The following NCKAP5 variants were observed in gnomAD, a reference collection of about 807,000 sequenced individuals.
NCKAP5 encodes NCK associated protein 5, also known as nck-associated protein 5.
NCKAP5 carries 92 observed loss-of-function variants against 167.0 expected under a neutral mutation model. That is an observed-to-expected ratio of 0.55 (90% CI 0.47 to 0.66). The LOEUF (loss-of-function observed/expected upper bound fraction) is 0.66, where lower values mean the gene tolerates loss of function less well. Ranked by LOEUF, NCKAP5 falls within the 30% of genes least tolerant of loss-of-function variation. The pLI, the probability that NCKAP5 is intolerant of heterozygous loss-of-function variation, is 0.00. For missense variants in NCKAP5, 2,378 were observed against 2,315.0 expected (o/e 1.03, Z -0.56); for synonymous variants, 891 against 877.4 (o/e 1.02, Z -0.27).
At chr2:133,578,061 C>G in the NCKAP5 span, among the ~76,000 whole-genome samples, 1 of 152,138 alleles carries the variant, frequency 6.6e-6, no homozygotes, top group Non-Finnish European at 1.5e-5. Flanking sequence ...CTCAAAATCT[C>G]AAAAATAAGA....
intron 8 of NCKAP5, among the ~76,000 whole-genome samples, chr2:132,903,723 A>G (rs1693799199): frequency 6.6e-6 from 1 of 152,232 alleles, no homozygotes; most frequent in Non-Finnish European, 1.5e-5. Context: ...GAGAGTAAGA[A>G]ACAGATTAGG....
chr2:132,770,555 T>G (rs1681950690), intron 16 of NCKAP5, among the ~76,000 whole-genome samples: 1 of 151,586 alleles, frequency 6.6e-6, no homozygotes, highest in Non-Finnish European at 1.5e-5. Flanking sequence ...TTCATATGGT[T>G]CTCCACCACT....
intron 4 of NCKAP5, among the ~76,000 whole-genome samples, chr2:133,232,860 A>G (rs1265522838): frequency 6.6e-6 from 1 of 152,218 alleles, no homozygotes; most frequent in Non-Finnish European, 1.5e-5. Context: ...ATAGAAGAAT[A>G]ACATCTTGAT....
chr2:133,154,314 T>C (rs917330242), intron 5 of NCKAP5, among the ~76,000 whole-genome samples: 2 of 152,226 alleles, frequency 1.3e-5, no homozygotes, highest in Admixed American at 6.5e-5. Flanking sequence ...TTCTGCCTCA[T>C]TTGTGAGAAT....
chr2:133,499,684 C>G (rs188825493), intron 3 of NCKAP5, among the ~76,000 whole-genome samples: 9 of 152,116 alleles, frequency 5.9e-5, no homozygotes, highest in African/African-American at 2.2e-4. Flanking sequence ...ATCAGCCTCC[C>G]GAGTAGGTGG....
At chr2:132,780,810 T>G (rs1682966702) in intron 15 of NCKAP5, among the ~76,000 whole-genome samples, 1 of 152,204 alleles carries the variant, frequency 6.6e-6, no homozygotes, top group Non-Finnish European at 1.5e-5. Context: ...CTCAACGTTC[T>G]GAAAACAGCT....
chr2:133,212,657 C>T (rs1243532612), intron 5 of NCKAP5, among the ~76,000 whole-genome samples: 1 of 152,200 alleles, frequency 6.6e-6, no homozygotes, highest in Non-Finnish European at 1.5e-5. Flanking sequence ...CGTGAGCCAC[C>T]ACACCCAGCC....
At chr2:133,526,818 G>C (rs113835365) in intron 2 of NCKAP5, among the ~76,000 whole-genome samples, 1 of 151,662 alleles carries the variant, frequency 6.6e-6, no homozygotes, top group Non-Finnish European at 1.5e-5. Context: ...AGGGAAGGTC[G>C]GTATAGAAAC....
intron 8 of NCKAP5, among the ~76,000 whole-genome samples, chr2:132,950,033 G>A (rs1385380127): frequency 2.6e-5 from 4 of 152,186 alleles, no homozygotes; most frequent in Non-Finnish European, 5.9e-5. Flanking sequence ...GATGGAGGTT[G>A]CAGTGAGCCG....
chr2:133,215,032 C>T (rs948721326), intron 4 of NCKAP5, among the ~76,000 whole-genome samples: 13 of 152,260 alleles, frequency 8.5e-5, no homozygotes, highest in Middle Eastern at 3.4e-3. Context: ...GAATAAATAC[C>T]TAAAGGCACA....
At chr2:132,712,119 T>C (rs954160474) in intron 19 of NCKAP5, among the ~76,000 whole-genome samples, 2 of 152,164 alleles carry the variant, frequency 1.3e-5, no homozygotes, top group Admixed American at 1.3e-4. Flanking sequence ...ATTTGTATTA[T>C]CAATTACCCT....
At chr2:133,469,107 G>A (rs1230207412) in intron 3 of NCKAP5, among the ~76,000 whole-genome samples, 5 of 152,030 alleles carry the variant, frequency 3.3e-5, no homozygotes, top group East Asian at 1.9e-4. Flanking sequence ...TCCTAGTCTC[G>A]ATGGTCTTTA....
At chr2:133,073,467 T>C (rs2080490377) in intron 6 of NCKAP5, among the ~76,000 whole-genome samples, 1 of 152,136 alleles carries the variant, frequency 6.6e-6, no homozygotes, top group African/African-American at 2.4e-5. Context: ...CGTGCAAGTC[T>C]CAGATAGTGC....
chr2:133,615,933 G>A, the NCKAP5 span, among the ~76,000 whole-genome samples: 1 of 150,874 alleles, frequency 6.6e-6, no homozygotes, highest in South Asian at 2.1e-4. Flanking sequence ...TAAAAGAACA[G>A]AAATTATAAC....
At chr2:132,771,839 A>ATTTTTTTTTTTTTTTTTT (rs70973406) in intron 16 of NCKAP5, among the ~76,000 whole-genome samples, 2 of 100,804 alleles carry the variant, frequency 2.0e-5, no homozygotes, top group Non-Finnish European at 1.9e-5. Context: ...CGCCCGGCTA[A>ATTTTTTTTTTTTTTTTTT]TTTTTTTTTT....
At chr2:133,310,817 G>T (rs1265604344) in intron 3 of NCKAP5, among the ~76,000 whole-genome samples, 1 of 152,204 alleles carries the variant, frequency 6.6e-6, no homozygotes, top group African/African-American at 2.4e-5. Context: ...GAGAATCTGA[G>T]ATTAGGCTAT....
intron 7 of NCKAP5, among the ~76,000 whole-genome samples, chr2:132,965,718 C>G (rs973948551): frequency 6.6e-6 from 1 of 152,126 alleles, no homozygotes. Context: ...ACTACACACC[C>G]AGGCTATATG....
chr2:133,114,927 T>G (rs1338103841), intron 6 of NCKAP5, among the ~76,000 whole-genome samples: 1 of 152,202 alleles, frequency 6.6e-6, no homozygotes, highest in Admixed American at 6.5e-5. Flanking sequence ...GCACTATTTC[T>G]GATGCACTAT....
At chr2:132,915,797 G>A (rs1453069023) in intron 8 of NCKAP5, 1 of 151,952 alleles carries the variant, frequency 6.6e-6, no homozygotes, top group Admixed American at 6.6e-5. Flanking sequence ...GTTGGGAGTG[G>A]GGAAAGATGG....
Sources: gnomAD v4.1 joint callset for allele counts (sites outside exome capture counted in the v4.1 genomes callset) on GRCh38, gnomAD v4.1.1 for gene constraint, MANE v1.5 for transcripts, NCBI Gene and HGNC (gene_info 2026-07-23, HGNC 2026-07-21) for gene names.